SLC39A14: variants seen among roughly 807,000 people sequenced by gnomAD.
SLC39A14 encodes solute carrier family 39 member 14.
In SLC39A14, 19 loss-of-function variants were observed where a neutral mutation model predicts 45.5. The ratio of observed to expected loss-of-function variants is 0.42; its 90% CI spans 0.29 to 0.61. The LOEUF (loss-of-function observed/expected upper bound fraction) is 0.61, where lower values mean the gene tolerates loss of function less well. Ranked by LOEUF, SLC39A14 falls within the 20% of genes least tolerant of loss-of-function variation. SLC39A14 has a pLI of 0.22. For missense variants in SLC39A14, 447 were observed against 616.5 expected (o/e 0.73, Z 2.91); for synonymous variants, 264 against 251.3 (o/e 1.05, Z -0.48).
intron 8 of SLC39A14, among the ~76,000 whole-genome samples, chr8:22,429,290 A>G (rs995350035): frequency 6.6e-6 from 1 of 152,134 alleles, no homozygotes; most frequent in African/African-American, 2.4e-5. Flanking sequence ...ACAAACAAAA[A>G]AAGAACACAG....
intron 1 of SLC39A14, among the ~76,000 whole-genome samples, chr8:22,384,661 C>T (rs1159893265): frequency 1.3e-5 from 2 of 151,266 alleles, no homozygotes; most frequent in Middle Eastern, 3.4e-3. Context: ...GTGGAAGGAT[C>T]GCCTGAACCT....
At chr8:22,409,018 A>C (rs971899563) in intron 3 of SLC39A14, among the ~76,000 whole-genome samples, 1 of 151,966 alleles carries the variant, frequency 6.6e-6, no homozygotes, top group African/African-American at 2.4e-5. Context: ...ACACGGTCTC[A>C]CTATGTTACC....
At position 22,416,234 on chromosome 8, in the gene SLC39A14, C is replaced by G. The variant is rs1237744295; in HGVS notation, c.1101C>G (p.Ile367Met). 6.2e-7 allele frequency: 1 copy of G among 1,613,430 alleles called. No individual in the cohort carries two copies. The highest frequency in any genetic ancestry group is 2.2e-5 in the East Asian group (1 of 44,892). Residue 367 changes from isoleucine to methionine, a missense_variant, in exon 7 of 9, where the codon ATC becomes ATG. Physicochemically the swap from Ile to Met is conservative, Grantham distance 10 (BLOSUM62 1). Coordinates refer to ENST00000381237, the MANE Select transcript of SLC39A14 (RefSeq NM_001128431.4). Reference sequence around the variant, plus strand: ...TCACTGTGTCAGTTTTCCAAGGCATCAGCACCTCGGTGGCCATCCTCTGTG... The same window carrying G: ...TCACTGTGTCAGTTTTCCAAGGCATGAGCACCTCGGTGGCCATCCTCTGTG... ...ASFTVSVFQG[I>M]STSVAILCEE...
intron 1 of SLC39A14, among the ~76,000 whole-genome samples, chr8:22,401,043 T>C (rs2132290689): frequency 6.6e-6 from 1 of 152,326 alleles, no homozygotes; most frequent in East Asian, 1.9e-4. Context: ...ATGAGAAAAC[T>C]GAAGGTAGAG....
Position 22,412,305 on chromosome 8 carries a change from T to C in SLC39A14, c.627+99T>C, listed in dbSNP as rs970870624. On this transcript the variant is annotated intron_variant, in intron 4 of 8. Coordinates refer to ENST00000381237, the MANE Select transcript of SLC39A14 (RefSeq NM_001128431.4). ...GCATAGAGAGGGCACCTGGAGGCCC[T>C]TTCCTTTTGGAAAGCGAAGCTAGAA... The C allele has an allele frequency of 4.7e-6, 6 of 1,286,102 alleles. No homozygotes were observed. In the Admixed American group the frequency reaches 1.6e-4, roughly 34 times the overall value. The allele number at this position is 1,286,102 out of a possible 1,614,324, so 79.7% of individuals were successfully genotyped here. A position where few individuals can be genotyped will look rare whatever the true frequency, so the allele number is the denominator to read the frequency against.
chr8:22,403,275 C>T (rs1034108820), intron 1 of SLC39A14, among the ~76,000 whole-genome samples: 1 of 147,186 alleles, frequency 6.8e-6, no homozygotes, highest in Non-Finnish European at 1.5e-5. Context: ...TGCGCCCGGC[C>T]TATTTATTTA....
chr8:22,427,827 T>C (rs1429170640), intron 8 of SLC39A14, among the ~76,000 whole-genome samples: 1 of 152,188 alleles, frequency 6.6e-6, no homozygotes, highest in African/African-American at 2.4e-5. Flanking sequence ...ATCATACTGA[T>C]TTTTCAGTAT....
intron 1 of SLC39A14, among the ~76,000 whole-genome samples, chr8:22,399,133 C>G (rs1440082714): frequency 2.0e-5 from 3 of 152,144 alleles, no homozygotes; most frequent in African/African-American, 7.2e-5. Context: ...GGGCAGCTGG[C>G]CTGACACCCT....
At chr8:22,395,659 T>C (rs1834343000) in intron 1 of SLC39A14, among the ~76,000 whole-genome samples, 1 of 152,222 alleles carries the variant, frequency 6.6e-6, no homozygotes. Context: ...CATCCTCTTT[T>C]GGTCTCACGT....
intron 4 of SLC39A14, among the ~76,000 whole-genome samples, chr8:22,413,806 ACT>A (rs1258880668): frequency 6.6e-6 from 1 of 151,996 alleles, no homozygotes; most frequent in African/African-American, 2.4e-5. Context: ...AGACAGTCTC[ACT>A]CTGTCACCCA....
At chr8:22,394,914 T>C (rs1305168908) in intron 1 of SLC39A14, among the ~76,000 whole-genome samples, 1 of 152,216 alleles carries the variant, frequency 6.6e-6, no homozygotes, top group South Asian at 2.1e-4. Context: ...TCTTGCATTC[T>C]CTTCTGACAC....
chr8:22,383,504 T>C (rs1171231449), intron 1 of SLC39A14, among the ~76,000 whole-genome samples: 1 of 152,124 alleles, frequency 6.6e-6, no homozygotes, highest in Non-Finnish European at 1.5e-5. Flanking sequence ...GAAAGAGCCC[T>C]GTAAGATTGA....
At chr8:22,394,422 C>T (rs1210729658) in intron 1 of SLC39A14, among the ~76,000 whole-genome samples, 2 of 150,956 alleles carry the variant, frequency 1.3e-5, no homozygotes, top group Non-Finnish European at 3.0e-5. Flanking sequence ...CGAGTTCACG[C>T]CATTCTCCTG....
intron 4 of SLC39A14, among the ~76,000 whole-genome samples, chr8:22,412,425 C>T (rs1835627727): frequency 1.3e-5 from 2 of 152,226 alleles, no homozygotes; most frequent in Admixed American, 6.5e-5. Context: ...ACCCCAGGCA[C>T]ACCACTGACC....
At chr8:22,415,467 T>C (rs1289570960) in intron 5 of SLC39A14, 2 of 312,536 alleles carry the variant, frequency 6.4e-6, no homozygotes. Context: ...CAGATTTATA[T>C]ATATAGATAT....
At chr8:22,427,515 A>G (rs79079558), downstream of SLC39A14, among the ~76,000 whole-genome samples, 2,317 of 152,118 alleles carry the variant, frequency 0.015, 56 homozygotes, top group African/African-American at 0.053. Context: ...TAGTAAGGAA[A>G]AAAAAAAAAC....
At chr8:22,423,469 G>A (rs1336614899), downstream of SLC39A14, among the ~76,000 whole-genome samples, 2 of 151,838 alleles carry the variant, frequency 1.3e-5, no homozygotes, top group Non-Finnish European at 2.9e-5. Context: ...CCGAGTAGCT[G>A]GGACTACAGG....
In SLC39A14 at chr8:22,421,738, T is replaced by A; in HGVS notation, c.*2040T>A. On this transcript the variant is annotated 3_prime_UTR_variant, in exon 9 of 9. Coordinates refer to ENST00000381237, the MANE Select transcript of SLC39A14 (RefSeq NM_001128431.4). The stretch of plus-strand genomic sequence containing the variant: ...ATTTTAGCATTCCCAATAGATCCTA[T>A]CATTCCTTAAACATAATACCCTTTG... 2 of 984,792 alleles carry A rather than the reference T, an allele frequency of 2.0e-6. No individual in the cohort carries two copies. The highest frequency in any genetic ancestry group is 2.4e-6 in the Non-Finnish European group (2 of 829,084). The allele number at this position is 984,792 out of a possible 1,614,324, so 61.0% of individuals were successfully genotyped here. A position where few individuals can be genotyped will look rare whatever the true frequency, so the allele number is the denominator to read the frequency against.
At chr8:22,392,667 C>T (rs1834145485) in intron 1 of SLC39A14, among the ~76,000 whole-genome samples, 2 of 152,162 alleles carry the variant, frequency 1.3e-5, no homozygotes, top group African/African-American at 2.4e-5. Context: ...GGGAAAACAC[C>T]GGCTGGCCAC....
Sources: gnomAD v4.1 joint callset for allele counts (sites outside exome capture counted in the v4.1 genomes callset) on GRCh38, gnomAD v4.1.1 for gene constraint, MANE v1.5 for transcripts, NCBI Gene and HGNC (gene_info 2026-07-23, HGNC 2026-07-21) for gene names.